COL4A2: variants seen among roughly 807,000 people sequenced by gnomAD.
COL4A2 encodes the protein collagen type IV alpha 2 chain.
Under a neutral mutation model 200.2 loss-of-function variants are expected in COL4A2, and 99 were observed. The ratio of observed to expected loss-of-function variants is 0.49; its 90% CI spans 0.42 to 0.58. The LOEUF is 0.58. Ranked by LOEUF, COL4A2 falls within the 20% of genes least tolerant of loss-of-function variation. The pLI is 0.00. For missense variants in COL4A2, 1,950 were observed against 2,314.1 expected (o/e 0.84, Z 3.23); for synonymous variants, 897 against 900.6 (o/e 1.00, Z 0.07).
Position 110,449,618 on chromosome 13 carries a change from C to T in COL4A2, c.1079-61C>T, listed in dbSNP as rs528047048. The T allele has an allele frequency of 2.0e-5, 29 of 1,465,194 alleles. No homozygotes were observed. The East Asian group carries it at 2.5e-4, about 13-fold the overall frequency. The allele number at this position is 1,465,194 out of a possible 1,614,324, so 90.8% of individuals were successfully genotyped here. A position where few individuals can be genotyped will look rare whatever the true frequency, so the allele number is the denominator to read the frequency against. On this transcript the variant is annotated intron_variant, in intron 18 of 47. Transcript: ENST00000360467. The stretch of plus-strand genomic sequence containing the variant: ...AATATGTAGTCAATGAAAAAGTGAA[C>T]GCCAGCTGCGATCCGTAGACCACGG...
At chr13:110,493,409 G>A in intron 39 of COL4A2, 127 bp downstream of exon 39, 2 of 974,190 alleles carry the variant, frequency 2.1e-6, no homozygotes, top group South Asian at 2.9e-5. Flanking sequence ...TTCCTGAAGT[G>A]CTATGCGATC....
chr13:110,483,738 G>A (rs78075011), intron 32 of COL4A2, among the ~76,000 whole-genome samples: 1,646 of 152,336 alleles, frequency 0.011, 44 homozygotes, highest in East Asian at 0.08. Context: ...CGATGGATTC[G>A]CAGTTTCCTA....
At chr13:110,466,805 TA>T (rs1200512080) in intron 26 of COL4A2, among the ~76,000 whole-genome samples, 2 of 152,232 alleles carry the variant, frequency 1.3e-5, no homozygotes, top group Non-Finnish European at 2.9e-5. Flanking sequence ...TGCCAGTTTT[TA>T]TTTGACTAGA....
chr13:110,451,017 C>G (rs574335465), intron 20 of COL4A2, among the ~76,000 whole-genome samples: 38 of 152,320 alleles, frequency 2.5e-4, no homozygotes, highest in Non-Finnish European at 3.8e-4. Flanking sequence ...AGCCGTCCCC[C>G]AAGGCCCAGA....
chr13:110,470,555 T>C (rs1230448979), intron 28 of COL4A2, among the ~76,000 whole-genome samples: 2 of 152,192 alleles, frequency 1.3e-5, no homozygotes, highest in Admixed American at 6.5e-5. Flanking sequence ...ATACTTTCTT[T>C]TAATGACATC....
intron 4 of COL4A2, among the ~76,000 whole-genome samples, chr13:110,412,341 A>G (rs1309375159): frequency 6.6e-6 from 1 of 152,114 alleles, no homozygotes; most frequent in East Asian, 1.9e-4. Context: ...TTGTAACCCA[A>G]AACAATCTCA....
chr13:110,468,818 C>T (rs2139507694), intron 27 of COL4A2, among the ~76,000 whole-genome samples: 1 of 152,332 alleles, frequency 6.6e-6, no homozygotes, highest in East Asian at 1.9e-4. Context: ...AAAGAGTCAC[C>T]TCATAGTCCT....
chr13:110,332,499 C>T (rs1483383103), intron 3 of COL4A2, among the ~76,000 whole-genome samples: 4 of 152,304 alleles, frequency 2.6e-5, no homozygotes, highest in South Asian at 4.2e-4. Flanking sequence ...ATAGACAGGA[C>T]GGCTCCCACA....
At chr13:110,429,857 T>C (rs1880610237) in intron 7 of COL4A2, 28 bp from the exon 8 acceptor site, 1 of 1,610,548 alleles carries the variant, frequency 6.2e-7, no homozygotes, top group African/African-American at 1.3e-5. Flanking sequence ...TTGTTGTTTT[T>C]TCTTTTTACA....
intron 4 of COL4A2, among the ~76,000 whole-genome samples, chr13:110,387,108 G>A (rs1313089479): frequency 3.9e-5 from 6 of 152,082 alleles, no homozygotes; most frequent in East Asian, 1.9e-4. Flanking sequence ...CCGTGGTGGC[G>A]GGCGCCTGTT....
At chr13:110,492,827 G>A (rs1594106933) in intron 38 of COL4A2, among the ~76,000 whole-genome samples, 1 of 152,200 alleles carries the variant, frequency 6.6e-6, no homozygotes, top group East Asian at 1.9e-4. Context: ...CAGTTCAATG[G>A]TGTTCCTAGG....
intron 4 of COL4A2, among the ~76,000 whole-genome samples, chr13:110,412,802 C>T (rs934026057): frequency 3.3e-5 from 5 of 152,208 alleles, no homozygotes; most frequent in Non-Finnish European, 7.3e-5. Context: ...CTAGCGCGAT[C>T]CCAGCAGATG....
Position 110,462,263 on chromosome 13 carries a change from C to G in COL4A2, c.1670-15C>G, listed in dbSNP as rs371324929. 2 of 1,614,248 alleles carry G rather than the reference C, an allele frequency of 1.2e-6. No homozygotes were observed. Among genetic ancestry groups the G allele is most frequent in the Admixed American group, 1.7e-5 (1 of 60,036 alleles). On this transcript the variant is annotated splice_polypyrimidine_tract_variant and intron_variant, in intron 23 of 47. Transcript: ENST00000360467. ...GCACCTGCCTGGGCAGCTTCACATG[C>G]AAATCCCTTTCTAGGTGAGCGGGGA... is the stretch of plus-strand genomic sequence containing the variant.
chr13:110,504,507 C>T lies in COL4A2; in HGVS notation c.4402+243C>T, dbSNP rs549628822. Among the ~76,000 whole-genome samples, 6 of 152,264 alleles carry T rather than the reference C, an allele frequency of 3.9e-5. No individual in the cohort carries two copies. The East Asian group carries it at 5.8e-4, about 15-fold the overall frequency. On this transcript the variant is annotated intron_variant, in intron 45 of 47. Transcript: ENST00000360467. Reference sequence around the variant, plus strand: ...GACACCTGCGGTGCTGTGGAGTGGGCGGCAGGGATCAGTAGACTTCAAGGG... The same window carrying T: ...GACACCTGCGGTGCTGTGGAGTGGGTGGCAGGGATCAGTAGACTTCAAGGG...
intron 29 of COL4A2, among the ~76,000 whole-genome samples, chr13:110,474,904 T>A (rs112657460): frequency 5.0e-4 from 24 of 48,224 alleles, no homozygotes; most frequent in East Asian, 2.5e-3. Flanking sequence ...CTATGCACAC[T>A]CACGATCACA....
chr13:110,493,436 T>C (rs1021590193), intron 39 of COL4A2, among the ~76,000 whole-genome samples, 154 bp downstream of exon 39: 1 of 152,012 alleles, frequency 6.6e-6, no homozygotes, highest in Non-Finnish European at 1.5e-5. Flanking sequence ...GAGGGGCGGG[T>C]CCGGGCCCTG....
rs182888791 is a variant in COL4A2, at chr13:110,503,048, C to T, written c.3878-73C>T. 1.2e-4 allele frequency: 166 copies of T among 1,402,730 alleles called. No homozygotes were observed. In the Admixed American group the frequency reaches 3.2e-3, roughly 27 times the overall value. The allele number at this position is 1,402,730 out of a possible 1,614,324, so 86.9% of individuals were successfully genotyped here. On this transcript the variant is annotated intron_variant, in intron 41 of 47. Coordinates refer to ENST00000360467, the MANE Select transcript of COL4A2 (RefSeq NM_001846.4). Reference sequence around the variant, plus strand: ...CAGAGACTGTCGCCTGAATGGGTGACGGTGCACCTGACTGCCCCCAGGGGC... The same window carrying T: ...CAGAGACTGTCGCCTGAATGGGTGATGGTGCACCTGACTGCCCCCAGGGGC...
At chr13:110,469,922 TTTTTTTTA>T (rs1313225784) in intron 28 of COL4A2, among the ~76,000 whole-genome samples, 1 of 146,522 alleles carries the variant, frequency 6.8e-6, no homozygotes, top group Non-Finnish European at 1.5e-5. Flanking sequence ...TTTTTTTTTT[TTTTTTTTA>T]ATGAAATGGA....
intron 4 of COL4A2, among the ~76,000 whole-genome samples, chr13:110,383,615 T>C (rs1012837124): frequency 3.0e-5 from 4 of 135,362 alleles, no homozygotes; most frequent in Non-Finnish European, 4.7e-5. Context: ...TCTTTTTTTT[T>C]TTTTTTTTTT....
Sources: gnomAD v4.1 joint callset for allele counts (sites outside exome capture counted in the v4.1 genomes callset) on GRCh38, gnomAD v4.1.1 for gene constraint, MANE v1.5 for transcripts, NCBI Gene and HGNC (gene_info 2026-07-23, HGNC 2026-07-21) for gene names.